Variants in FOXP1 observed in about 807,000 individuals in gnomAD.
FOXP1 encodes the protein forkhead box protein P1.
A neutral mutation model predicts 98.2 loss-of-function variants in FOXP1; 15 were observed. The observed-to-expected ratio is 0.15, with a 90% CI of 0.10 to 0.24. The LOEUF (loss-of-function observed/expected upper bound fraction) is 0.24, where lower values mean the gene tolerates loss of function less well. Ranked by LOEUF, FOXP1 falls within the 10% of genes least tolerant of loss-of-function variation. The probability of loss-of-function intolerance (pLI) is 1.00; values close to 1 mark genes in which losing one functional copy is unlikely to be tolerated. For missense variants in FOXP1, 633 were observed against 848.5 expected, an observed-to-expected ratio of 0.75 and a Z score of 3.15; for synonymous variants, 371 against 314.5, an observed-to-expected ratio of 1.18 and a Z score of -1.90.
chr3:71,346,046 T>C (rs1014459389), intron 4 of FOXP1, among the ~76,000 whole-genome samples: 5 of 152,126 alleles, frequency 3.3e-5, no homozygotes, highest in African/African-American at 1.2e-4. Flanking sequence ...TTTGACTTTA[T>C]TTCTATGATC....
chr3:71,312,440 G>C (rs1244688059), intron 4 of FOXP1, among the ~76,000 whole-genome samples: 1 of 152,200 alleles, frequency 6.6e-6, no homozygotes. Context: ...CCCTTGGAAG[G>C]AGCTGCTTAC....
In FOXP1 at chr3:71,353,294, C is replaced by T. The variant is rs138349279; in HGVS notation, c.-73+5856G>A. Among the ~76,000 whole-genome samples the T allele has an allele frequency of 2.0e-3, 308 of 152,290 alleles. 2 individuals are homozygous for T. The highest frequency in any genetic ancestry group is 7.2e-3 in the African/African-American group (300 of 41,548). On this transcript the variant is annotated intron_variant, in intron 4 of 20. Coordinates refer to ENST00000649528, the MANE Select transcript of FOXP1 (RefSeq NM_001349338.3). ...GGGCAGCACAAGGGCTGATCTAGGCCCTCAAGCATCCCGCGTAAACTGCCT... is the reference window on the plus strand; with the variant it reads ...GGGCAGCACAAGGGCTGATCTAGGCTCTCAAGCATCCCGCGTAAACTGCCT...
At chr3:71,173,162 G>A (rs1156868094) in intron 6 of FOXP1, among the ~76,000 whole-genome samples, 1 of 151,840 alleles carries the variant, frequency 6.6e-6, no homozygotes, top group Non-Finnish European at 1.5e-5. Flanking sequence ...TCTACTGAAA[G>A]TTTCTCATCT....
chr3:71,092,143 G>A (rs557195048), intron 7 of FOXP1, among the ~76,000 whole-genome samples: 131 of 151,206 alleles, frequency 8.7e-4, no homozygotes, highest in African/African-American at 3.0e-3. Context: ...AGCTGAGATC[G>A]CACCACTGCA....
chr3:71,237,612 C>T (rs916201901), intron 5 of FOXP1, among the ~76,000 whole-genome samples: 17 of 152,144 alleles, frequency 1.1e-4, no homozygotes, highest in African/African-American at 3.1e-4. Flanking sequence ...AGCCAAGGAA[C>T]GGTGCTAGGA....
intron 12 of FOXP1, among the ~76,000 whole-genome samples, chr3:71,004,676 T>C (rs576951163): frequency 2.4e-4 from 36 of 152,144 alleles, no homozygotes; most frequent in Non-Finnish European, 5.1e-4. Flanking sequence ...ATATTTTAAC[T>C]AAAAATTCAG....
intron 3 of FOXP1, among the ~76,000 whole-genome samples, chr3:71,430,225 A>G (rs1232225257): frequency 1.3e-5 from 2 of 152,204 alleles, no homozygotes; most frequent in East Asian, 3.8e-4. Flanking sequence ...TTGCAGCGTG[A>G]GCGATTTCGG....
chr3:71,576,763 T>A (rs1400947028), intron 2 of FOXP1, among the ~76,000 whole-genome samples: 2 of 151,994 alleles, frequency 1.3e-5, no homozygotes, highest in Non-Finnish European at 2.9e-5. Context: ...TGAGCCCCCC[T>A]CCCCTCCTTT....
At chr3:71,257,828 A>T (rs936073874) in intron 5 of FOXP1, among the ~76,000 whole-genome samples, 1 of 152,160 alleles carries the variant, frequency 6.6e-6, no homozygotes, top group Non-Finnish European at 1.5e-5. Flanking sequence ...CTGCACTTCC[A>T]CTTACCAGCT....
rs138004547 is a variant in FOXP1, at chr3:71,348,759, C to T, written c.-73+10391G>A. Among the ~76,000 whole-genome samples, 445 of 152,040 alleles carry T rather than the reference C, an allele frequency of 2.9e-3. 3 individuals carry two copies. Among genetic ancestry groups the T allele is most frequent in the African/African-American group, 9.8e-3 (406 of 41,452 alleles). On this transcript the variant is annotated intron_variant, in intron 4 of 20. Coordinates refer to ENST00000649528, the MANE Select transcript of FOXP1 (RefSeq NM_001349338.3). ...TAATTAACACAGGTTTTAGGATTCACCAAGTCTGGAAAATTACTCTGTGTT... is the reference window on the plus strand; with the variant it reads ...TAATTAACACAGGTTTTAGGATTCATCAAGTCTGGAAAATTACTCTGTGTT...
At chr3:71,129,980 G>A (rs987355748) in intron 6 of FOXP1, among the ~76,000 whole-genome samples, 1 of 152,210 alleles carries the variant, frequency 6.6e-6, no homozygotes, top group Non-Finnish European at 1.5e-5. Flanking sequence ...GACCGTGCGT[G>A]TTTCAGCAGT....
At chr3:70,989,472 G>T (rs2040269792) in intron 13 of FOXP1, among the ~76,000 whole-genome samples, 1 of 152,118 alleles carries the variant, frequency 6.6e-6, no homozygotes, top group Non-Finnish European at 1.5e-5. Context: ...GTAAGTTATT[G>T]AACAGCCAAA....
intron 12 of FOXP1, among the ~76,000 whole-genome samples, chr3:71,006,298 G>A (rs2107655796): frequency 6.6e-6 from 1 of 152,126 alleles, no homozygotes; most frequent in African/African-American, 2.4e-5. Flanking sequence ...CTTCACTCAA[G>A]AGTCAGAGCT....
intron 7 of FOXP1, among the ~76,000 whole-genome samples, chr3:71,065,081 CCGCGCCCGCG>C (rs1327477480): frequency 6.8e-6 from 1 of 147,972 alleles, no homozygotes; most frequent in Non-Finnish European, 1.5e-5. Flanking sequence ...GGCCCGCGCC[CCGCGCCCGCG>C]CGCCCCGGCC....
At chr3:71,433,678 C>T (rs748268914) in intron 3 of FOXP1, among the ~76,000 whole-genome samples, 5 of 152,150 alleles carry the variant, frequency 3.3e-5, no homozygotes, top group Admixed American at 1.3e-4. Flanking sequence ...ATAAGTTCTC[C>T]CCAGCTTGCA....
At position 71,037,939 on chromosome 3, in the gene FOXP1, A is replaced by G. The variant is rs186810067; in HGVS notation, c.869+3389T>C. Among the ~76,000 whole-genome samples the G allele has an allele frequency of 2.5e-4, 38 of 152,260 alleles. 1 individual carries two copies. The East Asian group carries it at 5.4e-3, about 22-fold the overall frequency. On this transcript the variant is annotated intron_variant, in intron 11 of 20. Coordinates refer to ENST00000649528, the MANE Select transcript of FOXP1 (RefSeq NM_001349338.3). Reference sequence around the variant, plus strand: ...CCAAAGTGTGTTTTTTCCCTTCTCTACACTCAAGGGTTTACCCTGAATGAT... The same window carrying G: ...CCAAAGTGTGTTTTTTCCCTTCTCTGCACTCAAGGGTTTACCCTGAATGAT...
intron 5 of FOXP1, among the ~76,000 whole-genome samples, chr3:71,284,874 G>A (rs1212444183): frequency 6.6e-6 from 1 of 151,842 alleles, no homozygotes; most frequent in Non-Finnish European, 1.5e-5. Context: ...GTTATCATCA[G>A]GGTCAGGAGT....
Position 71,037,180 on chromosome 3 carries a change from C to T in FOXP1, c.869+4148G>A, listed in dbSNP as rs1387176422. 2.6e-5 allele frequency among the ~76,000 whole-genome samples: 4 copies of T among 152,178 alleles called. No individual in the cohort carries two copies. The East Asian group carries it at 7.7e-4, about 29-fold the overall frequency. Reference sequence around the variant, plus strand: ...GCAAAAGTCTAGCCAGTGCTTGGCACAGAGAAGGAACTGATTAAATGTGAG... The same window carrying T: ...GCAAAAGTCTAGCCAGTGCTTGGCATAGAGAAGGAACTGATTAAATGTGAG... On this transcript the variant is annotated intron_variant, in intron 11 of 20. Transcript: ENST00000649528.
chr3:71,465,595 T>C (rs1443635944), intron 3 of FOXP1, among the ~76,000 whole-genome samples: 2 of 152,182 alleles, frequency 1.3e-5, no homozygotes, highest in African/African-American at 4.8e-5. Flanking sequence ...CTCACGTTTA[T>C]TCATGCAATG....
Sources: gnomAD v4.1 joint callset for allele counts (sites outside exome capture counted in the v4.1 genomes callset) on GRCh38, gnomAD v4.1.1 for gene constraint, MANE v1.5 for transcripts, NCBI Gene and HGNC (gene_info 2026-07-23, HGNC 2026-07-21) for gene names.